GRID2: variants seen among roughly 807,000 people sequenced by gnomAD.
The protein encoded by GRID2 is glutamate receptor ionotropic, delta-2.
In GRID2, 33 loss-of-function variants were observed where a neutral mutation model predicts 114.8. The observed-to-expected ratio is 0.29, with a 90% CI of 0.22 to 0.38. The LOEUF (loss-of-function observed/expected upper bound fraction) is 0.38. Ranked by LOEUF, GRID2 falls within the 10% of genes least tolerant of loss-of-function variation. The probability of loss-of-function intolerance (pLI) is 1.00; values close to 1 mark genes in which losing one functional copy is unlikely to be tolerated. For missense variants in GRID2, 1,184 were observed against 1,257.7 expected (o/e 0.94, Z 0.89); for synonymous variants, 505 against 449.9 (o/e 1.12, Z -1.55).
At chr4:92,310,037 TA>T (rs553439386) in intron 1 of GRID2, among the ~76,000 whole-genome samples, 14 of 151,984 alleles carry the variant, frequency 9.2e-5, no homozygotes, top group Non-Finnish European at 1.9e-4. Flanking sequence ...CATCTAAAAA[TA>T]ATGTCAACCA....
chr4:93,109,205 C>T (rs903148193), intron 3 of GRID2, among the ~76,000 whole-genome samples: 2 of 152,132 alleles, frequency 1.3e-5, no homozygotes, highest in African/African-American at 4.8e-5. Context: ...CCTCTTTTAT[C>T]TCATCCTCTG....
intron 10 of GRID2, among the ~76,000 whole-genome samples, chr4:93,427,956 T>C (rs1204571733): frequency 6.6e-6 from 1 of 152,024 alleles, no homozygotes; most frequent in Non-Finnish European, 1.5e-5. Flanking sequence ...TATTTTCTCC[T>C]AGTTTAGAAG....
intron 1 of GRID2, among the ~76,000 whole-genome samples, chr4:93,780,253 A>T (rs1360055623): frequency 1.3e-5 from 2 of 152,174 alleles, no homozygotes; most frequent in Non-Finnish European, 2.9e-5. Flanking sequence ...CTTTAAATGG[A>T]CTGAGGGAGT....
chr4:93,606,836 AG>A (rs1263762649), intron 13 of GRID2, among the ~76,000 whole-genome samples: 1 of 152,158 alleles, frequency 6.6e-6, no homozygotes, highest in Non-Finnish European at 1.5e-5. Flanking sequence ...AGGACTCAAA[AG>A]CTAACTATTA....
chr4:92,453,761 C>T (rs1043771104), intron 1 of GRID2, among the ~76,000 whole-genome samples: 1 of 152,118 alleles, frequency 6.6e-6, no homozygotes, highest in Non-Finnish European at 1.5e-5. Flanking sequence ...TAATTTTCCT[C>T]TCAAATATTG....
intron 1 of GRID2, among the ~76,000 whole-genome samples, chr4:92,576,939 A>T (rs1727924106): frequency 6.6e-6 from 1 of 152,026 alleles, no homozygotes; most frequent in Non-Finnish European, 1.5e-5. Flanking sequence ...CTTGTCTCAG[A>T]TTTTTAATTT....
At chr4:92,647,517 A>T (rs1217530020) in intron 2 of GRID2, among the ~76,000 whole-genome samples, 2 of 149,626 alleles carry the variant, frequency 1.3e-5, no homozygotes, top group African/African-American at 5.0e-5. Context: ...GAAACTATAA[A>T]GCCACTCTTT....
rs567777680 is a variant in GRID2, at chr4:92,405,644, G to C, written c.88+100900G>C. ...TGTTTCCACATAGCAATACATAAGG[G>C]AAAAAAGTTGATTAGGATAAAAATA... On this transcript the variant is annotated intron_variant, in intron 1 of 15. Coordinates refer to ENST00000282020, the MANE Select transcript of GRID2 (RefSeq NM_001510.4). Among the ~76,000 whole-genome samples the C allele has an allele frequency of 2.1e-3, 312 of 149,428 alleles. 2 individuals are homozygous for C. Among genetic ancestry groups the C allele is most frequent in the African/African-American group, 7.2e-3 (293 of 40,662 alleles).
chr4:93,404,821 A>G (rs1372735443), intron 9 of GRID2, among the ~76,000 whole-genome samples: 2 of 152,168 alleles, frequency 1.3e-5, no homozygotes, highest in Non-Finnish European at 2.9e-5. Flanking sequence ...GAAAGAGTAT[A>G]TGCGGAAGTA....
chr4:93,064,132 TATATATA>T (rs1728054600), intron 2 of GRID2, among the ~76,000 whole-genome samples: 3 of 144,768 alleles, frequency 2.1e-5, no homozygotes, highest in Non-Finnish European at 4.6e-5. Context: ...TAAAATATAA[TATATATA>T]ATAACATAAT....
chr4:92,377,944 A>G (rs1729432958), intron 1 of GRID2, among the ~76,000 whole-genome samples: 2 of 152,078 alleles, frequency 1.3e-5, no homozygotes, highest in Admixed American at 6.6e-5. Context: ...TCACTACCCA[A>G]TATTTCAACG....
intron 5 of GRID2, 134 bp downstream of exon 5, chr4:93,207,591 G>C: frequency 1.6e-6 from 1 of 609,426 alleles, no homozygotes; most frequent in Non-Finnish European, 2.9e-6. Context: ...AGTGAATGCT[G>C]TTTAACAAAG....
At chr4:93,324,731 T>C (rs2149216052) in intron 8 of GRID2, among the ~76,000 whole-genome samples, 1 of 152,294 alleles carries the variant, frequency 6.6e-6, no homozygotes, top group East Asian at 1.9e-4. Context: ...ATTGGTCTAT[T>C]CAGAGATTCA....
At chr4:93,528,293 C>A (rs1176630528) in intron 13 of GRID2, among the ~76,000 whole-genome samples, 1 of 151,822 alleles carries the variant, frequency 6.6e-6, no homozygotes, top group Non-Finnish European at 1.5e-5. Context: ...GGGTATATAT[C>A]CAGAAGTGGA....
At chr4:93,370,466 C>T (rs145116402) in intron 8 of GRID2, among the ~76,000 whole-genome samples, 125 of 149,060 alleles carry the variant, frequency 8.4e-4, no homozygotes, top group African/African-American at 2.7e-3. Flanking sequence ...CACACAAACA[C>T]GCACACAGAG....
intron 2 of GRID2, among the ~76,000 whole-genome samples, chr4:92,598,974 C>T (rs569059142): frequency 3.3e-5 from 5 of 150,496 alleles, no homozygotes; most frequent in Admixed American, 3.3e-4. Context: ...TGGGACTTTC[C>T]TTACCAAGAT....
intron 1 of GRID2, among the ~76,000 whole-genome samples, chr4:92,343,616 C>G (rs529683680): frequency 7.0e-4 from 107 of 152,182 alleles, no homozygotes; most frequent in Non-Finnish European, 1.2e-3. Flanking sequence ...TCTTGTAGCC[C>G]AGGCTGGAGT....
At chr4:93,318,022 T>TA (rs3043886) in intron 8 of GRID2, among the ~76,000 whole-genome samples, 68 of 134,036 alleles carry the variant, frequency 5.1e-4, no homozygotes, top group Admixed American at 3.7e-3. Flanking sequence ...TATATATATA[T>TA]TACTACTTTC....
chr4:93,396,185 T>C (rs1210986309), intron 9 of GRID2, among the ~76,000 whole-genome samples: 1 of 152,048 alleles, frequency 6.6e-6, no homozygotes, highest in African/African-American at 2.4e-5. Context: ...AGGGAAGCTG[T>C]TGTTTAATAG....
Sources: allele counts gnomAD v4.1 joint callset (sites outside exome capture counted in the v4.1 genomes callset), GRCh38; gene constraint gnomAD v4.1.1; transcripts MANE v1.5; gene names NCBI Gene and HGNC (gene_info 2026-07-23, HGNC 2026-07-21).